The following RHBDL3 variants were observed in gnomAD, a reference collection of about 807,000 sequenced individuals.
RHBDL3 encodes rhomboid-related protein 3.
A neutral mutation model predicts 48.2 loss-of-function variants in RHBDL3; 28 were observed. That is an observed-to-expected ratio of 0.58 (90% CI 0.43 to 0.80). The LOEUF (loss-of-function observed/expected upper bound fraction) is 0.80. Ranked by LOEUF, RHBDL3 falls within the 30% of genes least tolerant of loss-of-function variation. The pLI, the probability that RHBDL3 is intolerant of heterozygous loss-of-function variation, is 0.00. For missense variants in RHBDL3, 464 were observed against 542.7 expected (o/e 0.85, Z 1.44); for synonymous variants, 208 against 232.3 (o/e 0.90, Z 0.95).
intron 4 of RHBDL3, 72 bp from the exon 5 acceptor site, chr17:32,294,221 AG>A: frequency 7.8e-7 from 1 of 1,281,308 alleles, no homozygotes; most frequent in South Asian, 1.4e-5. Context: ...AGGGACTCCC[AG>A]TGCTAGTCAG....
intron 2 of RHBDL3, among the ~76,000 whole-genome samples, chr17:32,275,197 T>C (rs889208214): frequency 1.3e-5 from 2 of 152,134 alleles, no homozygotes; most frequent in African/African-American, 4.8e-5. Flanking sequence ...CTGCCTGCAG[T>C]TCCCTTGAGA....
At chr17:32,295,345 C>G (rs915239422) in intron 5 of RHBDL3, among the ~76,000 whole-genome samples, 1 of 152,216 alleles carries the variant, frequency 6.6e-6, no homozygotes, top group Non-Finnish European at 1.5e-5. Context: ...GCTGCACCTG[C>G]GGGGGAGGGT....
intron 2 of RHBDL3, among the ~76,000 whole-genome samples, chr17:32,276,308 A>G (rs570263523): frequency 2.6e-5 from 4 of 152,292 alleles, no homozygotes; most frequent in African/African-American, 9.6e-5. Flanking sequence ...GATCAAGGGA[A>G]GGGTGTGAGG....
intron 8 of RHBDL3, among the ~76,000 whole-genome samples, chr17:32,317,112 A>T (rs1197324568): frequency 6.6e-6 from 1 of 152,082 alleles, no homozygotes; most frequent in Non-Finnish European, 1.5e-5. Context: ...ACCTCAGGTG[A>T]TCTGCCCGCC....
At chr17:32,292,656 T>C (rs1302854702) in intron 4 of RHBDL3, among the ~76,000 whole-genome samples, 1 of 151,872 alleles carries the variant, frequency 6.6e-6, no homozygotes, top group Non-Finnish European at 1.5e-5. Context: ...ATACAAAAAT[T>C]AGCTGGGCAT....
chr17:32,272,053 G>A (rs1168460495), intron 2 of RHBDL3, among the ~76,000 whole-genome samples: 1 of 152,202 alleles, frequency 6.6e-6, no homozygotes, highest in African/African-American at 2.4e-5. Context: ...TTCTTCCTCT[G>A]TACAATGGGG....
Position 32,271,616 on chromosome 17 carries a change from C to T in RHBDL3, c.135+3691C>T, listed in dbSNP as rs2039777159. On this transcript the variant is annotated intron_variant, in intron 2 of 8. Transcript: ENST00000269051. ...GCTTCTTGGGTTGGAAAAGTCATTTCCAGGTTTACCCTTAAAAATGCCTCC... is the reference window on the plus strand; with the variant it reads ...GCTTCTTGGGTTGGAAAAGTCATTTTCAGGTTTACCCTTAAAAATGCCTCC... Among the ~76,000 whole-genome samples, 3 of 152,282 alleles carry T rather than the reference C, an allele frequency of 2.0e-5. No individual in the cohort carries two copies. In the South Asian group the frequency reaches 6.2e-4, roughly 32 times the overall value.
chr17:32,294,748 G>A (rs1382660980), intron 5 of RHBDL3, among the ~76,000 whole-genome samples: 3 of 151,768 alleles, frequency 2.0e-5, no homozygotes, highest in East Asian at 3.9e-4. Context: ...GTGCTTCCTA[G>A]TGGCTTCCTA....
chr17:32,309,179 A>AGTGTGTGT (rs61558385), intron 7 of RHBDL3, among the ~76,000 whole-genome samples: 61 of 149,732 alleles, frequency 4.1e-4, no homozygotes, highest in East Asian at 1.0e-3. Flanking sequence ...GAAGGTTTGG[A>AGTGTGTGT]GTGTGTGTGT....
intron 1 of RHBDL3, among the ~76,000 whole-genome samples, chr17:32,266,929 G>A (rs1224117489): frequency 6.6e-6 from 1 of 152,120 alleles, no homozygotes. Flanking sequence ...TCCCCTGGGC[G>A]AGGAGAGGGA....
At chr17:32,316,125 C>G in intron 7 of RHBDL3, 107 bp from the exon 8 acceptor site, 2 of 794,726 alleles carry the variant, frequency 2.5e-6, no homozygotes, top group East Asian at 5.0e-5. Flanking sequence ...CCCTCTCATT[C>G]AGGACTTCAC....
chr17:32,267,117 G>A (rs1342706410), intron 1 of RHBDL3, among the ~76,000 whole-genome samples: 1 of 152,184 alleles, frequency 6.6e-6, no homozygotes, highest in Non-Finnish European at 1.5e-5. Context: ...TCCTCCCTCA[G>A]GGTGGGGAGA....
At chr17:32,297,315 A>G (rs1037198329) in intron 5 of RHBDL3, among the ~76,000 whole-genome samples, 17 of 152,150 alleles carry the variant, frequency 1.1e-4, no homozygotes, top group African/African-American at 4.1e-4. Flanking sequence ...TAAAAATACA[A>G]AAATTAGCCG....
rs1047283664 is a variant in RHBDL3 at position 32,266,766 on chromosome 17, GCC to G, written c.111+468_111+469del. ...TTCCTCCGCTCCCGGATTAGCTCCC[GCC>G]CGGCACCTGCCTTGCCGCGACACTG... On this transcript the variant is annotated intron_variant, in intron 1 of 8. Transcript: ENST00000269051. Among the ~76,000 whole-genome samples, 80 of 152,320 alleles carry G rather than the reference GCC, an allele frequency of 5.3e-4. 1 individual carries two copies. Among genetic ancestry groups the G allele is most frequent in the Middle Eastern group, 6.8e-3 (2 of 294 alleles).
intron 2 of RHBDL3, among the ~76,000 whole-genome samples, chr17:32,272,250 T>G (rs923834699): frequency 1.3e-5 from 2 of 152,274 alleles, no homozygotes; most frequent in Non-Finnish European, 2.9e-5. Flanking sequence ...TCAACACTTC[T>G]GAGCCCAGAG....
At chr17:32,319,274 T>G (rs2041049489) in intron 8 of RHBDL3, among the ~76,000 whole-genome samples, 1 of 151,508 alleles carries the variant, frequency 6.6e-6, no homozygotes, top group African/African-American at 2.4e-5. Flanking sequence ...TACAAAAAAT[T>G]AGCCGGGTGT....
Position 32,289,376 on chromosome 17 carries a change from A to G in RHBDL3, c.519+360A>G, listed in dbSNP as rs1473117458. On this transcript the variant is annotated intron_variant, in intron 4 of 8. Coordinates refer to ENST00000269051, the MANE Select transcript of RHBDL3 (RefSeq NM_138328.3). ...CTAGCCAGGCTAACTCATTAAAGCCAGTTTATTTAGTTCCTCCCTAGGTGG... is the reference window on the plus strand; with the variant it reads ...CTAGCCAGGCTAACTCATTAAAGCCGGTTTATTTAGTTCCTCCCTAGGTGG... Among the ~76,000 whole-genome samples the G allele has an allele frequency of 2.6e-5, 4 of 152,210 alleles. No individual in the cohort carries two copies. The East Asian group carries it at 5.8e-4, about 22-fold the overall frequency.
intron 6 of RHBDL3, among the ~76,000 whole-genome samples, chr17:32,300,892 T>G (rs2040566860): frequency 1.3e-5 from 2 of 151,698 alleles, no homozygotes; most frequent in East Asian, 2.0e-4. Context: ...TTTTTTTTTT[T>G]GATTTTGAGA....
Position 32,321,434 on chromosome 17 carries a change from C to A in RHBDL3, c.*205C>A. The A allele has an allele frequency of 6.8e-7, 1 of 1,462,504 alleles. No homozygotes were observed. 90.6% of individuals were successfully genotyped at this position (1,462,504 alleles called of 1,614,324 possible). A position where few individuals can be genotyped will look rare whatever the true frequency, so the allele number is the denominator to read the frequency against. ...TCTGGCGGAGGAGTTGATGTGGCTG[C>A]TGTCGTTTTTCTCGGCTGCTCTGAT... On this transcript the variant is annotated 3_prime_UTR_variant, in exon 9 of 9. Coordinates refer to ENST00000269051, the MANE Select transcript of RHBDL3 (RefSeq NM_138328.3).
Sources: gnomAD v4.1 joint callset for allele counts (sites outside exome capture counted in the v4.1 genomes callset) on GRCh38, gnomAD v4.1.1 for gene constraint, MANE v1.5 for transcripts, NCBI Gene and HGNC (gene_info 2026-07-23, HGNC 2026-07-21) for gene names.